MTIF2: variants seen among roughly 807,000 people sequenced by gnomAD.
MTIF2 encodes the protein mitochondrial translational initiation factor 2.
MTIF2 carries 71 observed loss-of-function variants against 83.5 expected under a neutral mutation model. The observed-to-expected ratio is 0.85, with a 90% confidence interval of 0.70 to 1.04. The LOEUF is 1.04. Among genes scored for constraint, MTIF2 ranks in the 50% least tolerant of loss-of-function variants. MTIF2 has a pLI of 0.00. For synonymous variants in MTIF2, 319 were observed against 287.1 expected, an observed-to-expected ratio of 1.11 and a Z score of -1.12; for missense variants, 957 against 846.5, an observed-to-expected ratio of 1.13 and a Z score of -1.62.
intron 5 of MTIF2, among the ~76,000 whole-genome samples, chr2:55,260,635 G>A (rs1020764828): frequency 1.3e-5 from 2 of 152,102 alleles, no homozygotes; most frequent in African/African-American, 4.8e-5. Flanking sequence ...TTCAAATCCT[G>A]GCTCTCCCAC....
At chr2:55,252,679 T>C (rs746841864) in intron 7 of MTIF2, 26 bp from the exon 8 acceptor site, 2 of 1,584,032 alleles carry the variant, frequency 1.3e-6, no homozygotes, top group East Asian at 4.5e-5. Flanking sequence ...TTCAAGAACA[T>C]CAAGGATTCA....
intron 14 of MTIF2, among the ~76,000 whole-genome samples, chr2:55,237,681 C>T (rs1257249677): frequency 4.3e-5 from 5 of 116,040 alleles, no homozygotes; most frequent in Non-Finnish European, 8.2e-5. Flanking sequence ...GACAGAGTCT[C>T]ACTCTGTCAT....
At position 55,243,966 on chromosome 2, in the gene MTIF2, T is replaced by C. The variant is rs543527691; in HGVS notation, c.1311+63A>G. On this transcript the variant is annotated intron_variant, in intron 11 of 15. Coordinates refer to ENST00000263629, the MANE Select transcript of MTIF2 (RefSeq NM_002453.3). ...ATTAATACACATATTTGGTATAACA[T>C]TGTAAACTGGCATTTAAAATCATTA... 255 of 1,334,688 alleles carry C rather than the reference T, an allele frequency of 1.9e-4. 3 individuals are homozygous for C. In the South Asian group the frequency reaches 3.5e-3, roughly 18 times the overall value. 82.7% of individuals were successfully genotyped at this position (1,334,688 alleles called of 1,614,324 possible).
At chr2:55,239,774 A>C (rs1400844380) in intron 14 of MTIF2, among the ~76,000 whole-genome samples, 1 of 152,170 alleles carries the variant, frequency 6.6e-6, no homozygotes, top group African/African-American at 2.4e-5. Context: ...TTTAAACTGG[A>C]GGGCAAGTTC....
At chr2:55,246,935 C>G (rs1676741145) in intron 9 of MTIF2, among the ~76,000 whole-genome samples, 1 of 152,120 alleles carries the variant, frequency 6.6e-6, no homozygotes, top group African/African-American at 2.4e-5. Context: ...CAAAGCATAT[C>G]AAGCATGACT....
chr2:55,246,432 T>C lies in MTIF2; in HGVS notation c.1011A>G (p.Ala337=). ...TGDNLMALAE[A]TVALAEMLEL... ...CTAACATTTCTGCAAGAGCAACTGTTGCTTCTGCCAAAGCCATCAGATTAT... is the reference window on the plus strand; with the variant it reads ...CTAACATTTCTGCAAGAGCAACTGTCGCTTCTGCCAAAGCCATCAGATTAT... The change falls in exon 10 of 16, where the codon GCA becomes GCG. Residue 337 remains alanine (A), a synonymous_variant. Transcript: ENST00000263629. The C allele has an allele frequency of 1.9e-6, 3 of 1,613,910 alleles. No homozygotes were observed. The highest frequency in any genetic ancestry group is 2.5e-6 in the Non-Finnish European group (3 of 1,179,842).
At chr2:55,250,466 T>C (rs1334121463) in intron 8 of MTIF2, among the ~76,000 whole-genome samples, 1 of 151,452 alleles carries the variant, frequency 6.6e-6, no homozygotes, top group Non-Finnish European at 1.5e-5. Context: ...TACTGCTAGA[T>C]CATTTGCCTC....
chr2:55,239,185 G>C (rs1558548124), intron 14 of MTIF2, among the ~76,000 whole-genome samples: 2 of 152,170 alleles, frequency 1.3e-5, no homozygotes, highest in Non-Finnish European at 2.9e-5. Context: ...ATGTGAATAT[G>C]GACTGTGTAT....
At chr2:55,252,695 G>A (rs1273985109) in intron 7 of MTIF2, 42 bp from the exon 8 acceptor site, 1 of 1,478,448 alleles carries the variant, frequency 6.8e-7, no homozygotes, top group Non-Finnish European at 9.3e-7. Flanking sequence ...ATTCAAACAT[G>A]TACTTCCTTA....
chr2:55,237,389 C>T lies in MTIF2; in HGVS notation c.1910G>A (p.Gly637Glu), dbSNP rs1407016860. Residue 637 changes from glycine to glutamate, a missense_variant, in exon 15 of 16, where the codon GGG (glycine) becomes GAG (glutamate). This residue lies in a region of MTIF2 where 221 missense variants were observed against 180.6 expected (regional missense o/e 1.22). Coordinates refer to ENST00000263629, the MANE Select transcript of MTIF2 (RefSeq NM_002453.3). ...GCCAGCCACAGGAACTTTTTTCTTC[C>T]CTTCTGTTACAGAGAAGGTAGCTAG... ...SILATFSVTE[G>E]KKKVPVAGCR... is the part of the protein sequence containing the mutation. 6.2e-7 allele frequency: 1 copy of T among 1,612,632 alleles called. No individual in the cohort carries two copies. Among genetic ancestry groups the T allele is most frequent in the Non-Finnish European group, 8.5e-7 (1 of 1,179,868 alleles).
Position 55,254,671 on chromosome 2 carries a change from A to C in MTIF2, c.486T>G (p.Asn162Lys). The part of the protein sequence containing the change: ...SKLKQDKVRK[N>K]KDAVRRPQAD... ...AGTTTTACCTTCTTACAGCATCTTT[A>C]TTTTTTCTGACTTTGTCCTGTTTTA... The change falls in exon 6 of 16, where the codon AAT becomes AAG. Residue 162 changes from asparagine (N) to lysine (K), a missense_variant. By Grantham distance (94) the Asn-to-Lys change is moderately conservative. Coordinates refer to ENST00000263629, the MANE Select transcript of MTIF2 (RefSeq NM_002453.3). The C allele has an allele frequency of 6.2e-7, 1 of 1,601,036 alleles. No individual in the cohort carries two copies. Among genetic ancestry groups the C allele is most frequent in the Non-Finnish European group, 8.5e-7 (1 of 1,174,398 alleles).
At chr2:55,256,574 C>G (rs911040003) in intron 5 of MTIF2, among the ~76,000 whole-genome samples, 15 of 151,650 alleles carry the variant, frequency 9.9e-5, no homozygotes, top group Admixed American at 9.9e-4. Flanking sequence ...GGCATGGTGG[C>G]GGCACCTGTA....
At chr2:55,267,168 T>G (rs1316254396) in intron 3 of MTIF2, among the ~76,000 whole-genome samples, 1 of 152,148 alleles carries the variant, frequency 6.6e-6, no homozygotes, top group Non-Finnish European at 1.5e-5. Flanking sequence ...TACTGAATTT[T>G]TTTTTTTGAG....
intron 9 of MTIF2, among the ~76,000 whole-genome samples, chr2:55,247,809 G>T (rs1206995139): frequency 6.6e-6 from 1 of 151,898 alleles, no homozygotes; most frequent in Non-Finnish European, 1.5e-5. Context: ...TCTCTGACAC[G>T]CCTCCAAATC....
intron 14 of MTIF2, 126 bp downstream of exon 14, chr2:55,239,885 A>C: frequency 1.3e-6 from 1 of 793,146 alleles, no homozygotes; most frequent in Non-Finnish European, 1.9e-6. Flanking sequence ...CATGGTAGTC[A>C]TTTTTTTCTA....
intron 14 of MTIF2, among the ~76,000 whole-genome samples, chr2:55,237,673 C>CA (rs1360856380): frequency 1.0e-5 from 1 of 96,976 alleles, no homozygotes; most frequent in African/African-American, 4.1e-5. Flanking sequence ...TTTTTTGAGA[C>CA]AGAGTCTCAC....
chr2:55,236,781 G>C lies in MTIF2; in HGVS notation c.2051C>G (p.Ser684Ter), dbSNP rs763017988. ...ACAATCCATTCCCGTTTTGACAATT[G>C]AAATGTCATCTTTATGGTGTTTCAA... ...TSLKHHKDDI[S>*]IVKTGMDCGL... is the part of the protein sequence containing the mutation. Residue 684 changes from serine to a stop codon, truncating the protein, a stop_gained, in exon 16 of 16, where the codon TCA (serine) becomes TGA (stop). Transcript: ENST00000263629. LOFTEE classifies it high-confidence loss of function. 1 of 1,608,578 alleles carries C rather than the reference G, an allele frequency of 6.2e-7. No homozygotes were observed.
chr2:55,254,524 G>C lies in MTIF2; in HGVS notation c.503+130C>G, dbSNP rs892180317. The C allele has an allele frequency of 2.4e-5, 18 of 760,734 alleles. No homozygotes were observed. The African/African-American group carries it at 3.1e-4, about 13-fold the overall frequency. 47.1% of individuals were successfully genotyped at this position (760,734 alleles called of 1,614,324 possible). ...TATAATACACTTTCTAATGCTTTAA[G>C]TACTTCGAAGTTTATACACACATAT... On this transcript the variant is annotated intron_variant, in intron 6 of 15. Transcript: ENST00000263629.
At chr2:55,260,400 CAA>C (rs70947016) in intron 5 of MTIF2, among the ~76,000 whole-genome samples, 121 of 87,376 alleles carry the variant, frequency 1.4e-3, no homozygotes, top group East Asian at 0.013. Flanking sequence ...AACTCTGTCT[CAA>C]AAAAAAAAAA....
Sources: gnomAD v4.1 joint callset for allele counts (sites outside exome capture counted in the v4.1 genomes callset) on GRCh38, gnomAD v4.1.1 for gene constraint, gnomAD v4.1.1 regional missense constraint, MANE v1.5 for transcripts, NCBI Gene and HGNC (gene_info 2026-07-23, HGNC 2026-07-21) for gene names.